Variants in KPNA1 observed in about 807,000 individuals in gnomAD.
KPNA1 encodes karyopherin subunit alpha 1, also known as importin subunit alpha-5.
Under a neutral mutation model 70.5 loss-of-function variants are expected in KPNA1, and 10 were observed. That is an observed-to-expected ratio of 0.14 (90% confidence interval 0.09 to 0.24). The LOEUF (loss-of-function observed/expected upper bound fraction) is 0.24. Ranked by LOEUF, KPNA1 falls within the 10% of genes least tolerant of loss-of-function variation. The pLI is 1.00. For missense variants in KPNA1, 397 were observed against 637.9 expected (o/e 0.62, Z 4.07); for synonymous variants, 192 against 221.9 (o/e 0.87, Z 1.20).
chr3:122,484,153 G>A (rs2076602909), intron 2 of KPNA1, among the ~76,000 whole-genome samples: 1 of 152,078 alleles, frequency 6.6e-6, no homozygotes, highest in Non-Finnish European at 1.5e-5. Context: ...GTGAATTGGT[G>A]GGATGTATGC....
At chr3:122,467,043 A>G (rs2076388874) in intron 3 of KPNA1, among the ~76,000 whole-genome samples, 1 of 148,396 alleles carries the variant, frequency 6.7e-6, no homozygotes. Flanking sequence ...AAATAAATAA[A>G]TAAATAAATA....
chr3:122,499,610 A>T (rs570352388), intron 1 of KPNA1, among the ~76,000 whole-genome samples: 1 of 152,084 alleles, frequency 6.6e-6, no homozygotes, highest in Admixed American at 6.5e-5. Flanking sequence ...AAAAATAAAA[A>T]TCAGACAGGC....
At chr3:122,470,506 C>T (rs940918164) in intron 2 of KPNA1, among the ~76,000 whole-genome samples, 1 of 150,366 alleles carries the variant, frequency 6.7e-6, no homozygotes, top group East Asian at 2.0e-4. Flanking sequence ...AGTAAGACTC[C>T]GTCTCAAAAA....
chr3:122,441,543 T>C (rs2107726991), intron 10 of KPNA1, among the ~76,000 whole-genome samples: 1 of 151,512 alleles, frequency 6.6e-6, no homozygotes, highest in East Asian at 1.9e-4. Context: ...CCCAAACTAC[T>C]ACAAGCAACA....
intron 10 of KPNA1, among the ~76,000 whole-genome samples, chr3:122,437,879 T>A (rs2076009937): frequency 1.3e-5 from 2 of 152,362 alleles, no homozygotes; most frequent in South Asian, 4.1e-4. Context: ...AATTAATCAC[T>A]AAACAGAGAA....
At chr3:122,454,289 T>C (rs1014383382) in intron 5 of KPNA1, among the ~76,000 whole-genome samples, 10 of 152,196 alleles carry the variant, frequency 6.6e-5, no homozygotes, top group Admixed American at 3.3e-4. Flanking sequence ...TCTCCCAAGA[T>C]ATAAATGAAA....
At chr3:122,496,380 G>T (rs2076761997) in intron 2 of KPNA1, 57 bp downstream of exon 2, 13 of 1,518,338 alleles carry the variant, frequency 8.6e-6, no homozygotes, top group Non-Finnish European at 1.2e-5. Flanking sequence ...GATAGTTTCA[G>T]GCTTAAAATG....
chr3:122,496,709 CCTGTCTTT>C (rs887713170), intron 1 of KPNA1, 139 bp from the exon 2 acceptor site: 6 of 695,010 alleles, frequency 8.6e-6, no homozygotes, highest in Non-Finnish European at 1.4e-5. Context: ...CTCCCCCACT[CCTGTCTTT>C]TTTGAGACAA....
chr3:122,505,993 C>T (rs1306004810), intron 1 of KPNA1, among the ~76,000 whole-genome samples: 2 of 152,340 alleles, frequency 1.3e-5, no homozygotes, highest in African/African-American at 4.8e-5. Flanking sequence ...ACGTTTTTAA[C>T]CACTTCTTAG....
chr3:122,467,302 A>G lies in KPNA1; in HGVS notation c.237+20T>C, dbSNP rs1477530180. 4.5e-6 allele frequency: 6 copies of G among 1,329,768 alleles called. No individual in the cohort carries two copies. Among genetic ancestry groups the G allele is most frequent in the Non-Finnish European group, 5.4e-6 (5 of 933,162 alleles). 82.4% of individuals were successfully genotyped at this position (1,329,768 alleles called of 1,614,324 possible). ...TCATATCTTCATCACAAAAACACTG[A>G]AAAGAGTTCATTATCTTACTGGTGC... On this transcript the variant is annotated intron_variant, in intron 3 of 13. Transcript: ENST00000344337.
Position 122,449,514 on chromosome 3 carries a change from C to T in KPNA1, c.917+60G>A, listed in dbSNP as rs530145067. On this transcript the variant is annotated intron_variant, in intron 9 of 13. Transcript: ENST00000344337. ...CAATCCATTAATATTTAAGTATTAG[C>T]AGCTAGAAAACTAGTACCAAGGGAG... 1.9e-4 allele frequency: 248 copies of T among 1,309,296 alleles called. 3 individuals carry two copies. In the South Asian group the frequency reaches 3.2e-3, roughly 17 times the overall value. 81.1% of individuals were successfully genotyped at this position (1,309,296 alleles called of 1,614,324 possible).
At chr3:122,427,789 A>T in intron 12 of KPNA1, 73 bp from the exon 13 acceptor site, 1 of 991,884 alleles carries the variant, frequency 1.0e-6, no homozygotes. Flanking sequence ...TGAGCAAGTC[A>T]TCCTCAACTT....
At chr3:122,498,991 T>C (rs527260936) in intron 1 of KPNA1, among the ~76,000 whole-genome samples, 1 of 152,370 alleles carries the variant, frequency 6.6e-6, no homozygotes, top group East Asian at 1.9e-4. Context: ...TTTTATACCA[T>C]TGGAAATGAA....
chr3:122,426,864 G>T lies in KPNA1; in HGVS notation c.*121C>A. On this transcript the variant is annotated 3_prime_UTR_variant, in exon 14 of 14. Transcript: ENST00000344337. Reference sequence around the variant, plus strand: ...GAGCAGGTGCGCAAGGCAAGCAAATGAGCGCAAACAGTATTATGGAAAACA... The same window carrying T: ...GAGCAGGTGCGCAAGGCAAGCAAATTAGCGCAAACAGTATTATGGAAAACA... 1 of 731,790 alleles carries T rather than the reference G, an allele frequency of 1.4e-6. No individual in the cohort carries two copies. Among genetic ancestry groups the T allele is most frequent in the Non-Finnish European group, 2.2e-6 (1 of 453,042 alleles). 45.3% of individuals were successfully genotyped at this position (731,790 alleles called of 1,614,324 possible). A position where few individuals can be genotyped will look rare whatever the true frequency, so the allele number is the denominator to read the frequency against.
chr3:122,509,792 A>C (rs866015726), intron 1 of KPNA1, among the ~76,000 whole-genome samples: 1 of 152,234 alleles, frequency 6.6e-6, no homozygotes, highest in Non-Finnish European at 1.5e-5. Context: ...ACTGAGAAGC[A>C]TAATTCATTC....
At chr3:122,476,881 A>AAAAAAAAAAAAAAC (rs1560042634) in intron 2 of KPNA1, among the ~76,000 whole-genome samples, 1 of 149,930 alleles carries the variant, frequency 6.7e-6, no homozygotes, top group African/African-American at 2.5e-5. Context: ...AAAAAAAAAA[A>AAAAAAAAAAAAAAC]AAACTAAAAA....
At position 122,513,429 on chromosome 3, in the gene KPNA1, A is replaced by T. The variant is rs535436904; in HGVS notation, c.-6+1328T>A. On this transcript the variant is annotated intron_variant, in intron 1 of 13. Coordinates refer to ENST00000344337, the MANE Select transcript of KPNA1 (RefSeq NM_002264.4). ...TTCTTACTTTCCTTTGAAAAATTAA[A>T]TTTTCATCTCTTTGATCTTTAAAAA... 1.2e-4 allele frequency among the ~76,000 whole-genome samples: 19 copies of T among 152,346 alleles called. 1 individual carries two copies. The South Asian group carries it at 3.9e-3, about 32-fold the overall frequency.
At chr3:122,435,753 A>G (rs544569458) in intron 11 of KPNA1, among the ~76,000 whole-genome samples, 2 of 152,306 alleles carry the variant, frequency 1.3e-5, no homozygotes, top group South Asian at 2.1e-4. Flanking sequence ...CACCTCCCCA[A>G]TCAATACTCT....
At chr3:122,452,997 A>T (rs1055854937) in intron 6 of KPNA1, among the ~76,000 whole-genome samples, 3 of 152,012 alleles carry the variant, frequency 2.0e-5, no homozygotes, top group Non-Finnish European at 4.4e-5. Context: ...CCGAGGCTGG[A>T]GTGCGGTGGT....
Sources: gnomAD v4.1 joint callset for allele counts (sites outside exome capture counted in the v4.1 genomes callset) on GRCh38, gnomAD v4.1.1 for gene constraint, MANE v1.5 for transcripts, NCBI Gene and HGNC (gene_info 2026-07-23, HGNC 2026-07-21) for gene names.